The following ANOS1 variants were observed in gnomAD, a reference collection of about 807,000 sequenced individuals.
ANOS1 encodes the protein anosmin 1, also known as anosmin-1.
In ANOS1, 6 loss-of-function variants were observed where a neutral mutation model predicts 59.0. The ratio of observed to expected loss-of-function variants is 0.10; its 90% CI spans 0.06 to 0.20. The LOEUF is 0.20. Ranked by LOEUF, ANOS1 falls within the 10% of genes least tolerant of loss-of-function variation. ANOS1 has a pLI of 1.00. For synonymous variants in ANOS1, 217 were observed against 223.4 expected (o/e 0.97, Z 0.25); for missense variants, 433 against 542.3 (o/e 0.80, Z 2.00).
intron 3 of ANOS1, among the ~76,000 whole-genome samples, chrX:8,605,074 G>C (rs1449928101): frequency 8.9e-6 from 1 of 112,297 alleles, no homozygotes. Flanking sequence ...AAAATGTTAA[G>C]ATTAAATGTT....
intron 13 of ANOS1, among the ~76,000 whole-genome samples, chrX:8,533,998 A>T (rs867581864): frequency 2.0e-5 from 2 of 101,612 alleles, no homozygotes; most frequent in Non-Finnish European, 4.0e-5. Flanking sequence ...AGAAAAGAAG[A>T]GAGGGAAGAA....
At chrX:8,592,440 T>C (rs1930638378) in intron 4 of ANOS1, among the ~76,000 whole-genome samples, 1 of 112,311 alleles carries the variant, frequency 8.9e-6, no homozygotes, top group African/African-American at 3.2e-5. Context: ...AATTAATTCT[T>C]GGTTTATCCA....
chrX:8,660,625 A>T (rs72611465), intron 2 of ANOS1, among the ~76,000 whole-genome samples: 50,247 of 109,725 alleles, frequency 0.46, 10,477 homozygotes, highest in African/African-American at 0.82. Context: ...TAAAAAGAAA[A>T]TTTTTAAAAA....
intron 2 of ANOS1, among the ~76,000 whole-genome samples, chrX:8,672,149 TATACACACATGCAC>T (rs1259659180): frequency 9.2e-6 from 1 of 108,713 alleles, no homozygotes. Context: ...TGGCTTTACA[TATACACACATGCAC>T]ATACACACAC....
Position 8,720,788 on chromosome X carries a change from C to T in ANOS1, c.207+11042G>A, listed in dbSNP as rs1018511316. 2.7e-5 allele frequency among the ~76,000 whole-genome samples: 3 copies of T among 110,858 alleles called. No individual in the cohort carries two copies. In the Admixed American group the frequency reaches 2.9e-4, roughly 11 times the overall value. On this transcript the variant is annotated intron_variant, in intron 1 of 13. Coordinates refer to ENST00000262648, the MANE Select transcript of ANOS1 (RefSeq NM_000216.4). ...AACTTAAAAAAAAAGTAGCCAGGTA[C>T]GGGGGTGTAACACACCTGTAGTCCC... is the stretch of plus-strand genomic sequence containing the variant.
intron 2 of ANOS1, among the ~76,000 whole-genome samples, chrX:8,657,094 C>T (rs914980592): frequency 1.6e-4 from 18 of 112,625 alleles, no homozygotes; most frequent in Admixed American, 4.7e-4. Context: ...TGATTTTAAC[C>T]ACACGGGTCA....
chrX:8,591,624 T>C (rs777309932), intron 4 of ANOS1, among the ~76,000 whole-genome samples: 74 of 112,282 alleles, frequency 6.6e-4, no homozygotes, highest in Non-Finnish European at 1.2e-3. Context: ...TGATGAAGCA[T>C]GACCCTGCAA....
rs1278176579 is a variant in ANOS1, at chrX:8,533,000, A to G, written c.2038T>C (p.Tyr680His). ...PHHYKPSPER[Y>H] ...ACAAAATCTTTTTGAACAGTTTAGT[A>G]TCTTTCTGGAGAAGGCTTGTAATGA... Residue 680 changes from tyrosine to histidine, a missense_variant, in exon 14 of 14, where the codon TAC becomes CAC. By Grantham distance (83) the Tyr-to-His change is moderately conservative (BLOSUM62 2). Transcript: ENST00000262648. 1.7e-6 allele frequency: 2 copies of G among 1,154,482 alleles called. No homozygotes were observed. The highest frequency in any genetic ancestry group is 2.4e-6 in the Non-Finnish European group (2 of 844,453).
At chrX:8,722,145 T>C (rs934015217) in intron 1 of ANOS1, among the ~76,000 whole-genome samples, 3 of 112,562 alleles carry the variant, frequency 2.7e-5, no homozygotes, top group African/African-American at 6.4e-5. Context: ...ATCTTTGGAA[T>C]TGTAACAATC....
chrX:8,725,144 G>A (rs1005991913), intron 1 of ANOS1, among the ~76,000 whole-genome samples: 2 of 111,545 alleles, frequency 1.8e-5, no homozygotes, highest in Non-Finnish European at 3.8e-5. Flanking sequence ...AAATAAAAAT[G>A]CCTTTTGATA....
At chrX:8,626,932 G>A (rs1211732658) in intron 2 of ANOS1, among the ~76,000 whole-genome samples, 1 of 108,311 alleles carries the variant, frequency 9.2e-6, no homozygotes, top group South Asian at 3.9e-4. Context: ...CTAGTTTTTT[G>A]TTTCCTATGG....
intron 2 of ANOS1, among the ~76,000 whole-genome samples, chrX:8,678,826 A>C (rs1364473780): frequency 8.9e-6 from 1 of 112,011 alleles, no homozygotes; most frequent in Non-Finnish European, 1.9e-5. Flanking sequence ...CCTTTTAAGG[A>C]GTTCACGTGA....
chrX:8,642,624 C>T (rs1239919560), intron 2 of ANOS1, among the ~76,000 whole-genome samples: 1 of 111,683 alleles, frequency 9.0e-6, no homozygotes, highest in Non-Finnish European at 1.9e-5. Context: ...CTTTCCCTGT[C>T]AAATAGATTG....
At chrX:8,562,719 C>A (rs1930052852) in intron 8 of ANOS1, among the ~76,000 whole-genome samples, 1 of 111,508 alleles carries the variant, frequency 9.0e-6, no homozygotes, top group African/African-American at 3.3e-5. Context: ...GAAAATATTC[C>A]TCCTGCCTTC....
chrX:8,655,370 T>C (rs1931914900), intron 2 of ANOS1, among the ~76,000 whole-genome samples: 1 of 111,522 alleles, frequency 9.0e-6, no homozygotes, highest in African/African-American at 3.3e-5. Context: ...GCCACTGATC[T>C]GACAGGAGGC....
rs887864735 is a variant in ANOS1, at chrX:8,601,771, G to A, written c.319-4515C>T. Among the ~76,000 whole-genome samples, 4 of 112,230 alleles carry A rather than the reference G, an allele frequency of 3.6e-5. No homozygotes were observed. The Admixed American group carries it at 3.8e-4, about 11-fold the overall frequency. On this transcript the variant is annotated intron_variant, in intron 3 of 13. Coordinates refer to ENST00000262648, the MANE Select transcript of ANOS1 (RefSeq NM_000216.4). ...TGAGGTAACACACACAAAGAATTAA[G>A]CACTATTGTGCATAGTTGGCCCACA...
At chrX:8,717,850 T>C (rs1433483670) in intron 1 of ANOS1, among the ~76,000 whole-genome samples, 1 of 110,312 alleles carries the variant, frequency 9.1e-6, no homozygotes, top group Admixed American at 9.7e-5. Context: ...GTCTCTGTTT[T>C]CAAAAAATAA....
intron 8 of ANOS1, among the ~76,000 whole-genome samples, chrX:8,564,249 T>C (rs1363079842): frequency 8.9e-6 from 1 of 111,757 alleles, no homozygotes; most frequent in African/African-American, 3.3e-5. Context: ...AAATGGTCAA[T>C]AAAATTACAA....
At chrX:8,659,622 C>CTTCT (rs1569075700) in intron 2 of ANOS1, among the ~76,000 whole-genome samples, 515 of 49,302 alleles carry the variant, frequency 0.01, 1 homozygote, top group Non-Finnish European at 0.016. Flanking sequence ...TCCTTCCTTC[C>CTTCT]TTCCTTCCTT....
Sources: allele counts gnomAD v4.1 joint callset (sites outside exome capture counted in the v4.1 genomes callset), GRCh38; gene constraint gnomAD v4.1.1; transcripts MANE v1.5; gene names NCBI Gene and HGNC (gene_info 2026-07-23, HGNC 2026-07-21).